The following SMCHD1 variants were observed in gnomAD, a reference collection of about 807,000 sequenced individuals.
SMCHD1 encodes structural maintenance of chromosomes flexible hinge domain containing 1.
A neutral mutation model predicts 254.7 loss-of-function variants in SMCHD1; 78 were observed. The observed-to-expected ratio is 0.31, with a 90% CI of 0.26 to 0.37. The LOEUF (loss-of-function observed/expected upper bound fraction) is 0.37, where lower values mean the gene tolerates loss of function less well. Among genes scored for constraint, SMCHD1 ranks in the 10% least tolerant of loss-of-function variants. SMCHD1 has a pLI of 1.00. For missense variants in SMCHD1, 1,840 were observed against 2,408.1 expected, an observed-to-expected ratio of 0.76 and a Z score of 4.94; for synonymous variants, 766 against 794.9, an observed-to-expected ratio of 0.96 and a Z score of 0.61.
rs1398455608 is a variant in SMCHD1 at position 2,758,253 on chromosome 18, G to A, written c.4347-2399G>A. Among the ~76,000 whole-genome samples, 5 of 151,234 alleles carry A rather than the reference G, an allele frequency of 3.3e-5. No individual in the cohort carries two copies. In the East Asian group the frequency reaches 9.7e-4, roughly 29 times the overall value. Reference sequence around the variant, plus strand: ...TTCCTGTTTTCCTTTTTGATTTATTGTTTCTAATAGTCATTTTCTGGTAGT... The same window carrying A: ...TTCCTGTTTTCCTTTTTGATTTATTATTTCTAATAGTCATTTTCTGGTAGT... On this transcript the variant is annotated intron_variant, in intron 34 of 47. Coordinates refer to ENST00000320876, the MANE Select transcript of SMCHD1 (RefSeq NM_015295.3).
At chr18:2,764,012 T>C in intron 37 of SMCHD1, 1 of 413,416 alleles carries the variant, frequency 2.4e-6, no homozygotes, top group South Asian at 3.5e-5. Context: ...CTTTCTCTGA[T>C]TCTAGTTGTT....
chr18:2,737,850 C>T (rs562702149), intron 25 of SMCHD1, among the ~76,000 whole-genome samples: 1 of 152,086 alleles, frequency 6.6e-6, no homozygotes, highest in Non-Finnish European at 1.5e-5. Flanking sequence ...GTAGAGCAAA[C>T]AACTTGAAAA....
chr18:2,722,787 T>C (rs1226611150), intron 20 of SMCHD1, 124 bp downstream of exon 20: 2 of 786,886 alleles, frequency 2.5e-6, no homozygotes, highest in African/African-American at 3.6e-5. Flanking sequence ...TTAGTGAATT[T>C]TATTATATCT....
Position 2,688,615 on chromosome 18 carries a change from T to A in SMCHD1, c.754-13T>A. The A allele has an allele frequency of 6.4e-7, 1 of 1,562,780 alleles. No individual in the cohort carries two copies. The highest frequency in any genetic ancestry group is 8.7e-7 in the Non-Finnish European group (1 of 1,154,192). ...TTAGGAATTTAAAAAGTACTCTTTTTAATATTTAACAGATGATAAGCAAAC... is the reference window on the plus strand; with the variant it reads ...TTAGGAATTTAAAAAGTACTCTTTTAAATATTTAACAGATGATAAGCAAAC... On this transcript the variant is annotated splice_polypyrimidine_tract_variant and intron_variant, in intron 6 of 47. Transcript: ENST00000320876.
intron 26 of SMCHD1, 26 bp downstream of exon 26, chr18:2,738,571 G>T: frequency 6.3e-7 from 1 of 1,575,118 alleles, no homozygotes; most frequent in Non-Finnish European, 8.6e-7. Context: ...ATATTTTGCA[G>T]CCTATGGCAA....
At chr18:2,708,226 CTAATAATTACAG>C (rs1039813867) in intron 17 of SMCHD1, among the ~76,000 whole-genome samples, 7 of 137,272 alleles carry the variant, frequency 5.1e-5, no homozygotes, top group African/African-American at 7.7e-5. Flanking sequence ...TATTACAGTT[CTAATAATTACAG>C]TAATAATTAC....
intron 1 of SMCHD1, 30 bp downstream of exon 1, chr18:2,656,291 G>C: frequency 6.9e-7 from 1 of 1,451,036 alleles, no homozygotes; most frequent in Non-Finnish European, 9.0e-7. Flanking sequence ...AGGGATGCGC[G>C]TGTAGACTTG....
intron 39 of SMCHD1, among the ~76,000 whole-genome samples, chr18:2,770,955 TAATTG>T (rs2075973579): frequency 6.6e-6 from 1 of 152,236 alleles, no homozygotes. Flanking sequence ...ATGTTTCATA[TAATTG>T]AAAGACAAGA....
At chr18:2,755,159 A>G (rs1037313776) in intron 34 of SMCHD1, among the ~76,000 whole-genome samples, 4 of 152,076 alleles carry the variant, frequency 2.6e-5, no homozygotes, top group African/African-American at 7.2e-5. Flanking sequence ...GGCTCAAGCA[A>G]TCTTCCTACC....
At chr18:2,756,658 T>C (rs1328887740) in intron 34 of SMCHD1, among the ~76,000 whole-genome samples, 1 of 152,098 alleles carries the variant, frequency 6.6e-6, no homozygotes, top group Non-Finnish European at 1.5e-5. Context: ...TGCAGTGGCA[T>C]GATCTCAGCT....
intron 47 of SMCHD1, among the ~76,000 whole-genome samples, chr18:2,797,684 G>A (rs560148212): frequency 6.6e-6 from 1 of 152,278 alleles, no homozygotes; most frequent in Admixed American, 6.5e-5. Flanking sequence ...CAGCACTTTG[G>A]GAGGCCGAGG....
chr18:2,683,035 A>C (rs1190700060), intron 5 of SMCHD1, among the ~76,000 whole-genome samples: 1 of 152,148 alleles, frequency 6.6e-6, no homozygotes. Flanking sequence ...GATTTTGTGC[A>C]TTTCTAACTA....
At chr18:2,750,840 T>C (rs2075557266) in intron 32 of SMCHD1, among the ~76,000 whole-genome samples, 1 of 152,108 alleles carries the variant, frequency 6.6e-6, no homozygotes, top group Non-Finnish European at 1.5e-5. Flanking sequence ...TTTTTTACCC[T>C]ATAAAGTAGA....
intron 31 of SMCHD1, 34 bp downstream of exon 31, chr18:2,750,156 A>G (rs750653635): frequency 7.7e-6 from 12 of 1,548,970 alleles, no homozygotes. Flanking sequence ...TGTTGGTGTT[A>G]TAGAGATTCG....
chr18:2,778,064 C>A, intron 43 of SMCHD1, 105 bp from the exon 44 acceptor site: 1 of 984,630 alleles, frequency 1.0e-6, no homozygotes. Flanking sequence ...AAAATTAGAA[C>A]GAATACTAGC....
intron 8 of SMCHD1, among the ~76,000 whole-genome samples, chr18:2,696,278 C>T (rs1012865177): frequency 1.3e-5 from 2 of 152,120 alleles, no homozygotes; most frequent in African/African-American, 4.8e-5. Context: ...ACGCCCCGGT[C>T]GTGAACTGGT....
intron 7 of SMCHD1, chr18:2,691,576 A>G (rs1355105764): frequency 1.3e-5 from 2 of 152,340 alleles, no homozygotes; most frequent in East Asian, 1.9e-4. Flanking sequence ...AACTTTTCTC[A>G]ATACTGAGAC....
At chr18:2,765,947 A>C (rs115011571) in intron 37 of SMCHD1, among the ~76,000 whole-genome samples, 1,756 of 151,754 alleles carry the variant, frequency 0.012, 45 homozygotes, top group African/African-American at 0.04. Flanking sequence ...CTTTCTAAAG[A>C]AAGTTTTCTA....
chr18:2,713,712 A>T (rs1433339493), intron 17 of SMCHD1, among the ~76,000 whole-genome samples: 1 of 152,188 alleles, frequency 6.6e-6, no homozygotes. Flanking sequence ...TTAAATTTTC[A>T]TATCAATTTT....
Sources: allele counts gnomAD v4.1 joint callset (sites outside exome capture counted in the v4.1 genomes callset), GRCh38; gene constraint gnomAD v4.1.1; transcripts MANE v1.5; gene names NCBI Gene and HGNC (gene_info 2026-07-23, HGNC 2026-07-21).